TFEB: variants seen among roughly 807,000 people sequenced by gnomAD.
TFEB encodes transcription factor EB.
Under a neutral mutation model 48.0 loss-of-function variants are expected in TFEB, and 12 were observed. The observed-to-expected ratio is 0.25, with a 90% CI of 0.16 to 0.40. The LOEUF (loss-of-function observed/expected upper bound fraction) is 0.40, where lower values mean the gene tolerates loss of function less well. TFEB is among the 10% of genes least tolerant of loss of function. The pLI, the probability that TFEB is intolerant of heterozygous loss-of-function variation, is 1.00. For missense variants in TFEB, 509 were observed against 640.3 expected (o/e 0.79, Z 2.21); for synonymous variants, 244 against 261.4 (o/e 0.93, Z 0.64).
intron 1 of TFEB, among the ~76,000 whole-genome samples, chr6:41,695,681 G>A (rs1245344970): frequency 2.0e-5 from 3 of 152,292 alleles, no homozygotes; most frequent in Admixed American, 1.3e-4. Flanking sequence ...AGTTGTTACC[G>A]CTGGGGAGGG....
At chr6:41,701,303 G>GCACTC in intron 1 of TFEB, among the ~76,000 whole-genome samples, 1 of 152,294 alleles carries the variant, frequency 6.6e-6, no homozygotes, top group East Asian at 1.9e-4. Flanking sequence ...CGCCTCCTGG[G>GCACTC]CACTCCATCT....
chr6:41,692,463 G>A lies in TFEB; in HGVS notation c.-22-1228C>T, dbSNP rs146352368. Among the ~76,000 whole-genome samples, 474 of 152,304 alleles carry A rather than the reference G, an allele frequency of 3.1e-3. 2 individuals carry two copies. The highest frequency in any genetic ancestry group is 0.011 in the African/African-American group (446 of 41,556). On this transcript the variant is annotated intron_variant, in intron 1 of 8. Transcript: ENST00000373033. ...GGGGAGGGCCACTTCCAGGCACCTGGCACTGCCAGAGCCCAGAGAGGACTT... is the reference window on the plus strand; with the variant it reads ...GGGGAGGGCCACTTCCAGGCACCTGACACTGCCAGAGCCCAGAGAGGACTT...
chr6:41,719,958 T>C (rs2127263065), intron 1 of TFEB, among the ~76,000 whole-genome samples: 1 of 152,276 alleles, frequency 6.6e-6, no homozygotes, highest in South Asian at 2.1e-4. Flanking sequence ...AGACCTGCAT[T>C]CGGTTGTTGT....
At chr6:41,733,069 G>A in intron 1 of TFEB, 3 of 984,978 alleles carry the variant, frequency 3.0e-6, no homozygotes, top group Non-Finnish European at 3.6e-6. Context: ...TCTGGCTAAT[G>A]ATGCAATTAC....
At chr6:41,685,139 C>T (rs905072576) in intron 8 of TFEB, 61 bp from the exon 9 acceptor site, 28 of 1,381,212 alleles carry the variant, frequency 2.0e-5, no homozygotes, top group Middle Eastern at 2.2e-4. Context: ...ACCAGGACCC[C>T]TCCCCTGGGC....
chr6:41,697,963 A>C (rs1168086810), intron 1 of TFEB, among the ~76,000 whole-genome samples: 1 of 152,144 alleles, frequency 6.6e-6, no homozygotes, highest in Non-Finnish European at 1.5e-5. Context: ...TGTAACCATA[A>C]GTATTTTGTG....
chr6:41,688,498 G>C (rs549798229), intron 4 of TFEB, among the ~76,000 whole-genome samples: 3 of 152,060 alleles, frequency 2.0e-5, no homozygotes, highest in Admixed American at 1.3e-4. Context: ...TGGAGGTGCT[G>C]TAGGCAGGGC....
chr6:41,731,143 A>T (rs1198915203), intron 1 of TFEB, among the ~76,000 whole-genome samples: 1 of 152,224 alleles, frequency 6.6e-6, no homozygotes, highest in Non-Finnish European at 1.5e-5. Context: ...ATGTGCATCA[A>T]TATCGGCATA....
chr6:41,728,669 G>T (rs1233395218), intron 1 of TFEB, among the ~76,000 whole-genome samples: 1 of 151,322 alleles, frequency 6.6e-6, no homozygotes, highest in Non-Finnish European at 1.5e-5. Flanking sequence ...AGACCCACTG[G>T]TAGAACTCGG....
rs981508062 is a variant in TFEB, at chr6:41,684,712, C to T, written c.1318G>A (p.Asp440Asn). ...KKDLDLMLLDDSLLPLASDPL... is the reference protein window; with the variant it reads ...KKDLDLMLLDNSLLPLASDPL... ...TCAGAGGCCAGCGGTAGCAGTGAGT[C>T]GTCCAGGAGCATGAGGTCCAGATCC... Residue 440 changes from aspartate (D) to asparagine (N), a missense_variant, in exon 9 of 9, where the codon GAC becomes AAC. Asp to Asn is a conservative substitution (Grantham distance 23). Around this residue, in one of 4 missense-constraint regions of TFEB, gnomAD observed 168 missense variants for 161.0 expected, o/e 1.04. Transcript: ENST00000373033. 6.8e-6 allele frequency: 11 copies of T among 1,613,780 alleles called. No homozygotes were observed. The highest frequency in any genetic ancestry group is 2.2e-5 in the East Asian group (1 of 44,862).
At chr6:41,705,925 C>G (rs1770192756) in intron 1 of TFEB, 1 of 152,264 alleles carries the variant, frequency 6.6e-6, no homozygotes, top group Admixed American at 6.5e-5. Flanking sequence ...ACCTGAAGCT[C>G]TCGTCAGCTC....
chr6:41,719,730 A>T (rs1770897874), intron 1 of TFEB, among the ~76,000 whole-genome samples: 1 of 152,234 alleles, frequency 6.6e-6, no homozygotes, highest in South Asian at 2.1e-4. Flanking sequence ...ACAGAGGAAG[A>T]AACCAATGGT....
Position 41,724,483 on chromosome 6 carries a change from A to G in TFEB, c.-23+10867T>C, listed in dbSNP as rs1771124450. Among the ~76,000 whole-genome samples, 1 of 152,002 alleles carries G rather than the reference A, an allele frequency of 6.6e-6. No homozygotes were observed. The highest frequency in any genetic ancestry group is 1.5e-5 in the Non-Finnish European group (1 of 67,976). ...GGGAAGCCCAGAACAGTGAGGCCAG[A>G]GAGGCCCAGGGAGGATGGACCCAGA... is the stretch of plus-strand genomic sequence containing the variant. On this transcript the variant is annotated intron_variant, in intron 1 of 8. Transcript: ENST00000373033. The surrounding 1 kb of genome is among the most constrained non-coding windows in gnomAD (Gnocchi z 4.4).
At chr6:41,698,468 GA>G (rs1029938347) in intron 1 of TFEB, among the ~76,000 whole-genome samples, 2 of 151,644 alleles carry the variant, frequency 1.3e-5, no homozygotes, top group Non-Finnish European at 2.9e-5. Context: ...AACACAGGCA[GA>G]AAAAAAAATT....
chr6:41,688,114 C>G lies in TFEB; in HGVS notation c.550-86G>C, dbSNP rs111837879. On this transcript the variant is annotated intron_variant, in intron 4 of 8. Coordinates refer to ENST00000373033, the MANE Select transcript of TFEB (RefSeq NM_001271944.2). ...TAGGGCCTATCATCCCAGGAGCAGT[C>G]CTTCCTGGGGACACCTGGAGTGTCA... The G allele has an allele frequency of 5.1e-5, 76 of 1,496,174 alleles. 1 individual carries two copies. In the South Asian group the frequency reaches 9.5e-4, roughly 19 times the overall value. 92.7% of individuals were successfully genotyped at this position (1,496,174 alleles called of 1,614,324 possible). A position where few individuals can be genotyped will look rare whatever the true frequency, so the allele number is the denominator to read the frequency against.
intron 1 of TFEB, among the ~76,000 whole-genome samples, chr6:41,702,251 C>A (rs1165546790): frequency 1.3e-5 from 2 of 152,178 alleles, no homozygotes; most frequent in Non-Finnish European, 2.9e-5. Flanking sequence ...TGCTAAATAG[C>A]CAAGACATCC....
intron 5 of TFEB, 44 bp from the exon 6 acceptor site, chr6:41,687,853 GA>G: frequency 6.2e-7 from 1 of 1,610,532 alleles, no homozygotes; most frequent in South Asian, 1.1e-5. Flanking sequence ...GAGGGAGGGA[GA>G]AAAGGAGGGA....
rs916305651 is a variant in TFEB, at chr6:41,724,138, C to A, written c.-23+11212G>T. On this transcript the variant is annotated intron_variant, in intron 1 of 8. Coordinates refer to ENST00000373033, the MANE Select transcript of TFEB (RefSeq NM_001271944.2). This position sits in a 1 kb window ranked among gnomAD's most constrained non-coding sequence, Gnocchi z 4.4. Reference sequence around the variant, plus strand: ...AAGATCCACACCACCGCACACTTTTCACTTGTGCAGAAACTGTTCTTGATA... The same window carrying A: ...AAGATCCACACCACCGCACACTTTTAACTTGTGCAGAAACTGTTCTTGATA... Among the ~76,000 whole-genome samples, 4 of 152,232 alleles carry A rather than the reference C, an allele frequency of 2.6e-5. No individual in the cohort carries two copies. The highest frequency in any genetic ancestry group is 4.4e-5 in the Non-Finnish European group (3 of 68,042).
chr6:41,734,921 C>G lies in TFEB; in HGVS notation c.-23+429G>C. The stretch of plus-strand genomic sequence containing the variant: ...CTACCTCCGACCCCCTCTCAGGCAT[C>G]GCCGGCCCCAGCCGTGTCCGGTGGA... On this transcript the variant is annotated intron_variant, in intron 1 of 8. Transcript: ENST00000373033. The surrounding 1 kb of genome is among the most constrained non-coding windows in gnomAD (Gnocchi z 4.0). 1 of 985,422 alleles carries G rather than the reference C, an allele frequency of 1.0e-6. No homozygotes were observed. The highest frequency in any genetic ancestry group is 1.2e-6 in the Non-Finnish European group (1 of 829,976). The allele number at this position is 985,422 out of a possible 1,614,324, so 61.0% of individuals were successfully genotyped here.
Sources: allele counts gnomAD v4.1 joint callset (sites outside exome capture counted in the v4.1 genomes callset), GRCh38; gene constraint gnomAD v4.1.1; regional missense constraint gnomAD v4.1.1; non-coding constraint Gnocchi (gnomAD v3.1); transcripts MANE v1.5; gene names NCBI Gene and HGNC (gene_info 2026-07-23, HGNC 2026-07-21).